Variants in RBMXL1 observed in about 807,000 individuals in gnomAD.
RBMXL1 encodes RBMX like 1, also known as RNA binding motif protein, X-linked-like-1.
In RBMXL1, 18 loss-of-function variants were observed where a neutral mutation model predicts 29.0. The ratio of observed to expected loss-of-function variants is 0.62; its 90% CI spans 0.43 to 0.92. The LOEUF is 0.92. Among genes scored for constraint, RBMXL1 ranks in the 40% least tolerant of loss-of-function variants. The pLI, the probability that RBMXL1 is intolerant of heterozygous loss-of-function variation, is 0.00. For synonymous variants in RBMXL1, 141 were observed against 170.4 expected (o/e 0.83, Z 1.34); for missense variants, 403 against 495.8 (o/e 0.81, Z 1.78).
chr1:88,985,475 C>A (rs775455055), intron 2 of RBMXL1, among the ~76,000 whole-genome samples: 2 of 152,218 alleles, frequency 1.3e-5, no homozygotes, highest in Non-Finnish European at 2.9e-5. Flanking sequence ...CCCTCACACA[C>A]ATGCCATGTT....
intron 2 of RBMXL1, among the ~76,000 whole-genome samples, chr1:88,985,432 G>T (rs370689660): frequency 6.6e-6 from 1 of 152,200 alleles, no homozygotes. Flanking sequence ...CAGAAGATTG[G>T]TAAGTTTGAA....
chr1:88,984,460 C>T (rs1274817278), intron 2 of RBMXL1, among the ~76,000 whole-genome samples: 1 of 152,160 alleles, frequency 6.6e-6, no homozygotes, highest in Non-Finnish European at 1.5e-5. Flanking sequence ...GATCCGCCTG[C>T]CTCGGCCTCC....
chr1:88,987,549 T>A (rs1677536718), intron 2 of RBMXL1, among the ~76,000 whole-genome samples: 1 of 152,144 alleles, frequency 6.6e-6, no homozygotes, highest in Non-Finnish European at 1.5e-5. Flanking sequence ...AAAATGGAAT[T>A]TTCATACAAA....
Position 88,983,263 on chromosome 1 carries a change from A to C in RBMXL1, c.564T>G (p.Asp188Glu), listed in dbSNP as rs781007437. ...CCCTTCGAGGTGGACCTCCATAACT[A>C]TCTCTTCCACGTGATAGAGGAGCTC... ...GGRAPLSRGRDSYGGPPRREP... is the reference protein window; with the variant it reads ...GGRAPLSRGRESYGGPPRREP... Residue 188 changes from aspartate to glutamate, a missense_variant, in exon 3 of 3, where the codon GAT (aspartate) becomes GAG (glutamate). Asp to Glu is a conservative substitution (Grantham distance 45). Coordinates refer to ENST00000652648, the MANE Select transcript of RBMXL1 (RefSeq NM_001162536.3). 5.1e-5 allele frequency: 82 copies of C among 1,613,504 alleles called. No individual in the cohort carries two copies. The highest frequency in any genetic ancestry group is 6.7e-5 in the Admixed American group (4 of 60,008).
At chr1:88,991,930 G>C (rs1039696165) in intron 1 of RBMXL1, among the ~76,000 whole-genome samples, 1 of 151,918 alleles carries the variant, frequency 6.6e-6, no homozygotes. Flanking sequence ...ACAAATGTTG[G>C]ATTCTGCTAA....
In RBMXL1 at chr1:88,981,857, T is replaced by C. The variant is rs1677104018; in HGVS notation, c.*797A>G. The C allele has an allele frequency of 1.6e-6, 1 of 627,014 alleles. No individual in the cohort carries two copies. The highest frequency in any genetic ancestry group is 2.0e-6 in the Non-Finnish European group (1 of 501,290). 38.8% of individuals were successfully genotyped at this position (627,014 alleles called of 1,614,324 possible). A position where few individuals can be genotyped will look rare whatever the true frequency, so the allele number is the denominator to read the frequency against. ...CTTTAGGAAGTTGGAGATAAATTCA[T>C]TGCTTATCTATTTTCTCCTTTGCAA... is the stretch of plus-strand genomic sequence containing the variant. On this transcript the variant is annotated 3_prime_UTR_variant, in exon 3 of 3. Transcript: ENST00000652648.
At chr1:88,984,394 A>G (rs1315969812) in intron 2 of RBMXL1, among the ~76,000 whole-genome samples, 1 of 151,742 alleles carries the variant, frequency 6.6e-6, no homozygotes, top group African/African-American at 2.4e-5. Flanking sequence ...TTTGTATTTT[A>G]GTAGAGCAGG....
chr1:88,989,084 G>A (rs1009285490), intron 1 of RBMXL1, among the ~76,000 whole-genome samples: 1 of 152,280 alleles, frequency 6.6e-6, no homozygotes, highest in East Asian at 1.9e-4. Context: ...AAACATTCAG[G>A]CAAATAGATA....
intron 2 of RBMXL1, among the ~76,000 whole-genome samples, chr1:88,986,326 A>T (rs78622419): frequency 1.5e-3 from 226 of 150,334 alleles, no homozygotes; most frequent in Non-Finnish European, 3.0e-3. Flanking sequence ...AAAAAAAAAA[A>T]TTAATAGACT....
rs755044665 is a variant in RBMXL1 at position 88,983,274 on chromosome 1, G to A, written c.553C>T (p.Arg185Cys). Reference sequence around the variant, plus strand: ...GGACCTCCATAACTATCTCTTCCACGTGATAGAGGAGCTCTTCCTCCCATT... The same window carrying A: ...GGACCTCCATAACTATCTCTTCCACATGATAGAGGAGCTCTTCCTCCCATT... ...SGMGGRAPLSRGRDSYGGPPR... is the reference protein window; with the variant it reads ...SGMGGRAPLSCGRDSYGGPPR... Residue 185 changes from arginine to cysteine, a missense_variant, in exon 3 of 3, where the codon CGT (arginine) becomes TGT (cysteine). Coordinates refer to ENST00000652648, the MANE Select transcript of RBMXL1 (RefSeq NM_001162536.3). 2.5e-6 allele frequency: 4 copies of A among 1,613,680 alleles called. No homozygotes were observed. The highest frequency in any genetic ancestry group is 1.7e-5 in the Admixed American group (1 of 60,000).
Position 88,991,983 on chromosome 1 carries a change from G to GTTTTTT in RBMXL1, c.-341+596_-341+601dup, listed in dbSNP as rs10638041. 3.2e-4 allele frequency among the ~76,000 whole-genome samples: 47 copies of GTTTTTT among 144,794 alleles called. 1 individual carries two copies. Among genetic ancestry groups the GTTTTTT allele is most frequent in the Non-Finnish European group, 4.4e-4 (29 of 66,626 alleles). The allele number at this position is 144,794 out of a possible 152,430, so 95.0% of individuals were successfully genotyped here. A position where few individuals can be genotyped will look rare whatever the true frequency, so the allele number is the denominator to read the frequency against. ...ACGTAACAGCCTTGGTATTCTTTTG[G>GTTTTTT]TTTTTTTTTTTTTGAGACGGAGTCT... is the stretch of plus-strand genomic sequence containing the variant. On this transcript the variant is annotated intron_variant, in intron 1 of 2. Transcript: ENST00000652648.
At position 88,983,636 on chromosome 1, in the gene RBMXL1, T is replaced by C. The variant is rs1455987789; in HGVS notation, c.191A>G (p.Asp64Gly). 1.2e-6 allele frequency: 2 copies of C among 1,613,984 alleles called. No individual in the cohort carries two copies. Among genetic ancestry groups the C allele is most frequent in the Non-Finnish European group, 1.7e-6 (2 of 1,180,036 alleles). Reference protein sequence around the residue: ...VTFESPADAKDAARDMNGKSL... With the variant: ...VTFESPADAKGAARDMNGKSL... Reference sequence around the variant, plus strand: ...CTTTCCATTCATGTCTCTGGCTGCATCCTTAGCGTCTGCTGGGCTTTCAAA... The same window carrying C: ...CTTTCCATTCATGTCTCTGGCTGCACCCTTAGCGTCTGCTGGGCTTTCAAA... The change falls in exon 3 of 3, where the codon GAT becomes GGT. Residue 64 changes from aspartate (D) to glycine (G), a missense_variant. Asp to Gly is a moderately conservative substitution (Grantham distance 94). Transcript: ENST00000652648.
At position 88,982,270 on chromosome 1, in the gene RBMXL1, AG is replaced by A; in HGVS notation, c.*383del. ...TAATAGCTAGCTTGTTTGTATAGGC[AG>A]AATGATTCATCTCTCCATTTTAGTT... is the stretch of plus-strand genomic sequence containing the variant. On this transcript the variant is annotated 3_prime_UTR_variant, in exon 3 of 3. Transcript: ENST00000652648. 1.5e-6 allele frequency: 1 copy of A among 659,754 alleles called. No individual in the cohort carries two copies. Among genetic ancestry groups the A allele is most frequent in the East Asian group, 9.9e-5 (1 of 10,090 alleles). The allele number at this position is 659,754 out of a possible 1,614,324, so 40.9% of individuals were successfully genotyped here.
In RBMXL1 at chr1:88,983,286, C is replaced by T; in HGVS notation, c.541G>A (p.Ala181Thr). 1 of 1,613,868 alleles carries T rather than the reference C, an allele frequency of 6.2e-7. No individual in the cohort carries two copies. Among genetic ancestry groups the T allele is most frequent in the Non-Finnish European group, 8.5e-7 (1 of 1,179,956 alleles). ...CTATCTCTTCCACGTGATAGAGGAGCTCTTCCTCCCATTCCACTGCTGCTG... is the reference window on the plus strand; with the variant it reads ...CTATCTCTTCCACGTGATAGAGGAGTTCTTCCTCCCATTCCACTGCTGCTG... ...VRSSSGMGGRAPLSRGRDSYG... is the reference protein window; with the variant it reads ...VRSSSGMGGRTPLSRGRDSYG... Residue 181 changes from alanine (A) to threonine (T), a missense_variant, in exon 3 of 3, where the codon GCT becomes ACT. Physicochemically the swap from Ala to Thr is moderately conservative, Grantham distance 58. Transcript: ENST00000652648.
chr1:88,989,846 C>T lies in RBMXL1; in HGVS notation c.-340-1495G>A, dbSNP rs1677685772. Among the ~76,000 whole-genome samples, 3 of 152,186 alleles carry T rather than the reference C, an allele frequency of 2.0e-5. No homozygotes were observed. In the South Asian group the frequency reaches 6.2e-4, roughly 32 times the overall value. ...CCTATCTGTCTTCTACAGCACATTA[C>T]CTCCATCATGCAATGTACTTCCTGG... On this transcript the variant is annotated intron_variant, in intron 1 of 2. Coordinates refer to ENST00000652648, the MANE Select transcript of RBMXL1 (RefSeq NM_001162536.3).
Position 88,983,948 on chromosome 1 carries a change from G to A in RBMXL1, c.-122C>T, listed in dbSNP as rs1570843483. On this transcript the variant is annotated 5_prime_UTR_variant, in exon 3 of 3. Coordinates refer to ENST00000652648, the MANE Select transcript of RBMXL1 (RefSeq NM_001162536.3). ...CTGTCAGTTAGGAGGACTGAACCGCGAAGCCGCTAGCACTACTGCGCAATC... is the reference window on the plus strand; with the variant it reads ...CTGTCAGTTAGGAGGACTGAACCGCAAAGCCGCTAGCACTACTGCGCAATC... The A allele has an allele frequency of 6.4e-6, 7 of 1,085,906 alleles. No individual in the cohort carries two copies. The highest frequency in any genetic ancestry group is 9.7e-6 in the Non-Finnish European group (7 of 723,294). 67.3% of individuals were successfully genotyped at this position (1,085,906 alleles called of 1,614,324 possible).
At chr1:88,984,276 G>A (rs1226620455) in intron 2 of RBMXL1, among the ~76,000 whole-genome samples, 3 of 137,240 alleles carry the variant, frequency 2.2e-5, no homozygotes, top group Non-Finnish European at 3.0e-5. Flanking sequence ...GTGCAGCGGC[G>A]CAATCTTGGC....
In RBMXL1 at chr1:88,990,354, C is replaced by T. The variant is rs993710696; in HGVS notation, c.-340-2003G>A. 3.3e-5 allele frequency among the ~76,000 whole-genome samples: 5 copies of T among 152,188 alleles called. No homozygotes were observed. The South Asian group carries it at 8.3e-4, about 25-fold the overall frequency. ...CTGTTGCTCATTTTACTAGCTCTCT[C>T]CTTTTCCTCAATCTACGCTCCTCAA... On this transcript the variant is annotated intron_variant, in intron 1 of 2. Coordinates refer to ENST00000652648, the MANE Select transcript of RBMXL1 (RefSeq NM_001162536.3).
chr1:88,989,226 A>C (rs1018808763), intron 1 of RBMXL1, among the ~76,000 whole-genome samples: 1 of 152,250 alleles, frequency 6.6e-6, no homozygotes, highest in African/African-American at 2.4e-5. Context: ...TATGGAAACT[A>C]AATAGAGCTT....
Sources: allele counts gnomAD v4.1 joint callset (sites outside exome capture counted in the v4.1 genomes callset), GRCh38; gene constraint gnomAD v4.1.1; transcripts MANE v1.5; gene names NCBI Gene and HGNC (gene_info 2026-07-23, HGNC 2026-07-21).